The following MYH6 variants were observed in gnomAD, a reference collection of about 807,000 sequenced individuals.
MYH6 encodes myosin-6.
A neutral mutation model predicts 223.2 loss-of-function variants in MYH6; 126 were observed. The ratio of observed to expected loss-of-function variants is 0.56; its 90% confidence interval spans 0.49 to 0.65. MYH6 has a LOEUF of 0.65. MYH6 is among the 30% of genes least tolerant of loss of function. The pLI, the probability that MYH6 is intolerant of heterozygous loss-of-function variation, is 0.00. For missense variants in MYH6, 2,040 were observed against 2,536.4 expected, an observed-to-expected ratio of 0.80 and a Z score of 4.20; for synonymous variants, 978 against 1,010.2, an observed-to-expected ratio of 0.97 and a Z score of 0.61.
At position 23,399,715 on chromosome 14, in the gene MYH6, C is replaced by T. The variant is rs1891539299; in HGVS notation, c.1581+541G>A. The T allele has an allele frequency of 1.6e-5, 3 of 191,122 alleles. No individual in the cohort carries two copies. In the South Asian group the frequency reaches 3.3e-4, roughly 21 times the overall value. 11.8% of individuals were successfully genotyped at this position (191,122 alleles called of 1,614,324 possible). A position where few individuals can be genotyped will look rare whatever the true frequency, so the allele number is the denominator to read the frequency against. On this transcript the variant is annotated intron_variant, in intron 14 of 38. Transcript: ENST00000405093. Reference sequence around the variant, plus strand: ...TAATGACCCAAAGCATGTGGGGAAGCTCCCATTTCATGAAGGCCGTGGCTG... The same window carrying T: ...TAATGACCCAAAGCATGTGGGGAAGTTCCCATTTCATGAAGGCCGTGGCTG...
chr14:23,399,060 A>G, intron 14 of MYH6, 23 bp from the exon 15 acceptor site: 1 of 1,613,266 alleles, frequency 6.2e-7, no homozygotes, highest in Non-Finnish European at 8.5e-7. Flanking sequence ...TGAAGAGGCA[A>G]AGAGAGAATC....
chr14:23,390,906 C>G (rs1891220226), intron 25 of MYH6, among the ~76,000 whole-genome samples: 1 of 152,166 alleles, frequency 6.6e-6, no homozygotes. Context: ...TGCCTCGAAA[C>G]AATCAGATAC....
chr14:23,390,153 C>T lies in MYH6; in HGVS notation c.3636G>A (p.Leu1212=), dbSNP rs774392020. The T allele has an allele frequency of 3.2e-5, 51 of 1,610,980 alleles. 1 individual carries two copies. In the South Asian group the frequency reaches 4.9e-4, roughly 16 times the overall value. The part of the protein sequence containing the change: ...VAELGEQIDN[L]QRVKQKLEKE... ...TCTCCAGCTTCTGCTTCACCCGCTG[C>T]AGGTTGTCGATCTGCTCGCCCAGCT... The change falls in exon 26 of 39, where the codon CTG becomes CTA. Residue 1212 remains leucine (L), a synonymous_variant. Transcript: ENST00000405093.
Position 23,404,393 on chromosome 14 carries a change from G to A in MYH6, c.643-5C>T, listed in dbSNP as rs199859986. ...GATCTGGTCCTCCAGGGTGCCCTAT[G>A]AAAGGAGCAGAACTGCATGGGTTCA... On this transcript the variant is annotated splice_region_variant and splice_polypyrimidine_tract_variant and intron_variant, in intron 7 of 38. Transcript: ENST00000405093. 5.1e-4 allele frequency: 826 copies of A among 1,614,116 alleles called. 3 individuals are homozygous for A. The highest frequency in any genetic ancestry group is 2.0e-3 in the Middle Eastern group (12 of 6,062).
chr14:23,384,454 C>T lies in MYH6; in HGVS notation c.5553G>A (p.Glu1851=), dbSNP rs763313787. 21 of 1,610,966 alleles carry T rather than the reference C, an allele frequency of 1.3e-5. No homozygotes were observed. The Middle Eastern group carries it at 6.8e-4, about 52-fold the overall frequency. Residue 1851 remains glutamate (E), a synonymous_variant, in exon 36 of 39, where the codon GAG becomes GAA. Transcript: ENST00000405093. Reference sequence around the variant, plus strand: ...GCGTCCGCCGCACCTGGTAGGTGAGCTCCTTGATGCGCCGCTCGCTCTTCC... The same window carrying T: ...GCGTCCGCCGCACCTGGTAGGTGAGTTCCTTGATGCGCCGCTCGCTCTTCC... The part of the protein sequence containing the change: ...GMRKSERRIK[E]LTYQTEEDKK...
intron 15 of MYH6, 131 bp downstream of exon 15, chr14:23,398,597 G>A (rs1176070346): frequency 1.9e-6 from 2 of 1,027,516 alleles, no homozygotes; most frequent in Non-Finnish European, 3.0e-6. Flanking sequence ...GTGGTGAGGT[G>A]AGCCAGGAGG....
rs1039605635 is a variant in MYH6 at position 23,392,742 on chromosome 14, G to A, written c.3252-90C>T. The stretch of plus-strand genomic sequence containing the variant: ...TTCTTGGCCTTAGTATGCCAGAATC[G>A]GCACCTCCCCCTCCCCTCGCCAGCC... On this transcript the variant is annotated intron_variant, in intron 24 of 38. Transcript: ENST00000405093. The A allele has an allele frequency of 3.3e-5, 48 of 1,441,660 alleles. No individual in the cohort carries two copies. In the African/African-American group the frequency reaches 3.9e-4, roughly 12 times the overall value. The allele number at this position is 1,441,660 out of a possible 1,614,324, so 89.3% of individuals were successfully genotyped here. A position where few individuals can be genotyped will look rare whatever the true frequency, so the allele number is the denominator to read the frequency against.
chr14:23,389,783 G>C (rs1891174882), intron 26 of MYH6, 64 bp from the exon 27 acceptor site: 10 of 1,613,164 alleles, frequency 6.2e-6, no homozygotes, highest in Admixed American at 1.7e-5. Flanking sequence ...GGAAGGAAGA[G>C]AGGGTCAGAG....
Position 23,384,518 on chromosome 14 carries a change from G to A in MYH6, c.5489C>T (p.Ala1830Val), listed in dbSNP as rs1002518548. Reference protein sequence around the residue: ...RVRELEGELEAEQKRNAESVK... With the variant: ...RVRELEGELEVEQKRNAESVK... The stretch of plus-strand genomic sequence containing the variant: ...CGACTCTGCGTTGCGCTTCTGCTCG[G>A]CCTCCAGCTCACCCTCCAGCTCCCG... The change falls in exon 36 of 39, where the codon GCC (alanine) becomes GTC (valine). Residue 1830 changes from alanine to valine, a missense_variant. By Grantham distance (64) the Ala-to-Val change is moderately conservative. Coordinates refer to ENST00000405093, the MANE Select transcript of MYH6 (RefSeq NM_002471.4). The A allele has an allele frequency of 1.2e-6, 2 of 1,613,058 alleles. No individual in the cohort carries two copies. Among genetic ancestry groups the A allele is most frequent in the African/African-American group, 2.7e-5 (2 of 74,904 alleles).
intron 32 of MYH6, among the ~76,000 whole-genome samples, chr14:23,386,958 G>A (rs756417979): frequency 2.6e-5 from 4 of 152,110 alleles, no homozygotes; most frequent in Non-Finnish European, 5.9e-5. Flanking sequence ...TTGTTTTCCA[G>A]GTCCCTCACC....
intron 15 of MYH6, among the ~76,000 whole-genome samples, chr14:23,397,978 T>A (rs1891475215): frequency 2.9e-5 from 4 of 139,096 alleles, no homozygotes; most frequent in Admixed American, 7.5e-5. Flanking sequence ...TTCTTCTTCT[T>A]CTTCTTCTTC....
intron 24 of MYH6, 123 bp downstream of exon 24, chr14:23,392,789 T>A: frequency 1.3e-6 from 2 of 1,503,676 alleles, no homozygotes; most frequent in Middle Eastern, 2.2e-4. Context: ...GGAAGAGGGC[T>A]GTGATTGACC....
chr14:23,399,118 A>G, intron 14 of MYH6, 81 bp from the exon 15 acceptor site: 1 of 1,549,844 alleles, frequency 6.5e-7, no homozygotes, highest in African/African-American at 1.4e-5. Flanking sequence ...TGACAGGAAA[A>G]GGAATCTGGA....
At chr14:23,383,354 A>AG in intron 36 of MYH6, 34 bp from the exon 37 acceptor site, 1 of 1,473,474 alleles carries the variant, frequency 6.8e-7, no homozygotes, top group Non-Finnish European at 9.4e-7. Context: ...GCTGGTTTGG[A>AG]GGGGGAGCAA....
At position 23,386,094 on chromosome 14, in the gene MYH6, T is replaced by C. The variant is rs1891011047; in HGVS notation, c.4997A>G (p.Asn1666Ser). Residue 1666 changes from asparagine to serine, a missense_variant, in exon 34 of 39, where the codon AAC (asparagine) becomes AGC (serine). Around this residue, in one of 4 missense-constraint regions of MYH6, gnomAD observed 1,203 missense variants for 1,400.2 expected, o/e 0.86. Coordinates refer to ENST00000405093, the MANE Select transcript of MYH6 (RefSeq NM_002471.4). ...GGCGATGTTCTCCTTCAGGTCGTCG[T>C]TGGCACGGACCGCATCGTCCAGCTG... The part of the protein sequence containing the change: ...QIQLDDAVRA[N>S]DDLKENIAIV... The C allele has an allele frequency of 1.2e-6, 2 of 1,614,210 alleles. No individual in the cohort carries two copies. The highest frequency in any genetic ancestry group is 1.7e-6 in the Non-Finnish European group (2 of 1,180,024).
chr14:23,405,379 T>A lies in MYH6; in HGVS notation c.346A>T (p.Thr116Ser). ...GTGACACAGAAGAGGCCCGAGTAGG[T>A]CTGGAGCAGGAGACAAGGCTGGGCA... Reference protein sequence around the residue: ...KERYAAWMIYTYSGLFCVTVN... With the variant: ...KERYAAWMIYSYSGLFCVTVN... Residue 116 changes from threonine (T) to serine (S), a missense_variant and splice_region_variant, in exon 5 of 39, where the codon ACC becomes TCC. By Grantham distance (58) the Thr-to-Ser change is moderately conservative. Coordinates refer to ENST00000405093, the MANE Select transcript of MYH6 (RefSeq NM_002471.4). The surrounding 1 kb of genome is among the most constrained non-coding windows in gnomAD (Gnocchi z 4.7). 1.2e-6 allele frequency: 2 copies of A among 1,614,016 alleles called. No individual in the cohort carries two copies. Among genetic ancestry groups the A allele is most frequent in the Non-Finnish European group, 1.7e-6 (2 of 1,179,942 alleles).
Position 23,390,149 on chromosome 14 carries a change from G to T in MYH6, c.3640C>A (p.Arg1214=), listed in dbSNP as rs199911460. 75 of 1,610,724 alleles carry T rather than the reference G, an allele frequency of 4.7e-5. No individual in the cohort carries two copies. In the East Asian group the frequency reaches 1.6e-3, roughly 35 times the overall value. ...TCCTTCTCCAGCTTCTGCTTCACCC[G>T]CTGCAGGTTGTCGATCTGCTCGCCC... ...ELGEQIDNLQ[R]VKQKLEKEKS... is the part of the protein sequence containing the mutation. The change falls in exon 26 of 39, where the codon CGG becomes AGG. Residue 1214 remains arginine (R), a synonymous_variant. Coordinates refer to ENST00000405093, the MANE Select transcript of MYH6 (RefSeq NM_002471.4).
At position 23,396,943 on chromosome 14, in the gene MYH6, T is replaced by G; in HGVS notation, c.2168+20A>C. 6.2e-7 allele frequency: 1 copy of G among 1,612,364 alleles called. No homozygotes were observed. Among genetic ancestry groups the G allele is most frequent in the Non-Finnish European group, 8.5e-7 (1 of 1,179,930 alleles). On this transcript the variant is annotated intron_variant, in intron 18 of 38. Transcript: ENST00000405093. ...CTGGCTCCCCCTGTTCTATGAGCTC[T>G]GGGGCACCCTCATACCCACCTCTGC...
intron 36 of MYH6, among the ~76,000 whole-genome samples, chr14:23,384,209 G>C (rs896658091): frequency 2.7e-5 from 4 of 149,708 alleles, no homozygotes; most frequent in Non-Finnish European, 3.0e-5. Context: ...AAAAAAGAAA[G>C]AAAGAAACCT....
Sources: gnomAD v4.1 joint callset for allele counts (sites outside exome capture counted in the v4.1 genomes callset) on GRCh38, gnomAD v4.1.1 for gene constraint, gnomAD v4.1.1 regional missense constraint, Gnocchi (gnomAD v3.1) non-coding constraint, MANE v1.5 for transcripts, NCBI Gene and HGNC (gene_info 2026-07-23, HGNC 2026-07-21) for gene names.